The following EPC1 variants were observed in gnomAD, a reference collection of about 807,000 sequenced individuals.
EPC1 encodes the protein enhancer of polycomb 1.
In EPC1, 12 loss-of-function variants were observed where a neutral mutation model predicts 98.4. The ratio of observed to expected loss-of-function variants is 0.12; its 90% confidence interval spans 0.08 to 0.20. EPC1 has a LOEUF of 0.20. Among genes scored for constraint, EPC1 ranks in the 10% least tolerant of loss-of-function variants. EPC1 has a pLI of 1.00. For synonymous variants in EPC1, 357 were observed against 363.9 expected, an observed-to-expected ratio of 0.98 and a Z score of 0.21; for missense variants, 729 against 990.5, an observed-to-expected ratio of 0.74 and a Z score of 3.54.
intron 2 of EPC1, among the ~76,000 whole-genome samples, chr10:32,302,013 C>T (rs984763077): frequency 1.3e-5 from 2 of 152,144 alleles, no homozygotes; most frequent in Non-Finnish European, 2.9e-5. Flanking sequence ...GTGGCTCACG[C>T]CTGTAATCCC....
At chr10:32,339,765 A>G (rs1838217017) in intron 1 of EPC1, among the ~76,000 whole-genome samples, 1 of 152,200 alleles carries the variant, frequency 6.6e-6, no homozygotes, top group Non-Finnish European at 1.5e-5. Flanking sequence ...ATGATTTTTC[A>G]TACACTGCCT....
chr10:32,308,738 G>A (rs999717714), intron 1 of EPC1, among the ~76,000 whole-genome samples: 2 of 152,010 alleles, frequency 1.3e-5, no homozygotes, highest in African/African-American at 2.4e-5. Context: ...CTCAAAAATC[G>A]AAACAAATAA....
Position 32,269,123 on chromosome 10 carries a change from T to G in EPC1, c.2382A>C (p.Glu794Asp), listed in dbSNP as rs781507880. ...SVDSVPRENH[E>D]SEKPALNNIA... Reference sequence around the variant, plus strand: ...TGTTGTTCAGTGCTGGCTTTTCTGATTCATGATTTTCCCTGTTGAAATAAA... The same window carrying G: ...TGTTGTTCAGTGCTGGCTTTTCTGAGTCATGATTTTCCCTGTTGAAATAAA... Residue 794 changes from glutamate (E) to aspartate (D), a missense_variant, in exon 14 of 14, where the codon GAA becomes GAC. This residue lies in a region of EPC1 where 156 missense variants were observed against 188.9 expected (regional missense o/e 0.83). Coordinates refer to ENST00000319778, the MANE Select transcript of EPC1 (RefSeq NM_001272004.3). 1 of 1,613,806 alleles carries G rather than the reference T, an allele frequency of 6.2e-7. No homozygotes were observed. The highest frequency in any genetic ancestry group is 1.7e-5 in the Admixed American group (1 of 59,992).
intron 10 of EPC1, chr10:32,282,936 T>C (rs1836486163): frequency 6.6e-6 from 1 of 152,212 alleles, no homozygotes; most frequent in African/African-American, 2.4e-5. Flanking sequence ...TAAGTCTTTA[T>C]TGAAAAGTTC....
At chr10:32,356,697 A>G (rs558301423) in intron 1 of EPC1, among the ~76,000 whole-genome samples, 1 of 152,146 alleles carries the variant, frequency 6.6e-6, no homozygotes, top group Non-Finnish European at 1.5e-5. Context: ...TTGATTAAAC[A>G]TTTACCGCCA....
chr10:32,363,341 A>G (rs1839498423), intron 1 of EPC1, among the ~76,000 whole-genome samples: 1 of 152,212 alleles, frequency 6.6e-6, no homozygotes, highest in Admixed American at 6.5e-5. Context: ...TTGGCCTCCC[A>G]AAGTACTGGG....
chr10:32,345,997 G>A (rs1317846146), intron 1 of EPC1, among the ~76,000 whole-genome samples: 2 of 152,214 alleles, frequency 1.3e-5, no homozygotes, highest in Admixed American at 6.5e-5. Context: ...AAGGATCACA[G>A]AAAAAGTCAG....
chr10:32,269,033 T>G lies in EPC1; in HGVS notation c.*30A>C. On this transcript the variant is annotated 3_prime_UTR_variant, in exon 14 of 14. Coordinates refer to ENST00000319778, the MANE Select transcript of EPC1 (RefSeq NM_001272004.3). ...TACTGATGCATAGCACCTAATCAAGTCCCCAGGCTGCAGTTCCACTCGGAG... is the reference window on the plus strand; with the variant it reads ...TACTGATGCATAGCACCTAATCAAGGCCCCAGGCTGCAGTTCCACTCGGAG... 2 of 1,598,832 alleles carry G rather than the reference T, an allele frequency of 1.3e-6. No homozygotes were observed. Among genetic ancestry groups the G allele is most frequent in the Middle Eastern group, 3.3e-4 (2 of 6,028 alleles).
In EPC1 at chr10:32,273,157, C is replaced by G. The variant is rs1835919664; in HGVS notation, c.1863+6G>C. ...GGGATAATCATAAGACAGACAAATC[C>G]CTCACCTGTGATGTGTTGGTGGAGG... is the stretch of plus-strand genomic sequence containing the variant. On this transcript the variant is annotated splice_donor_region_variant and intron_variant, in intron 11 of 13. Transcript: ENST00000319778. 6.2e-7 allele frequency: 1 copy of G among 1,613,924 alleles called. No homozygotes were observed. Among genetic ancestry groups the G allele is most frequent in the South Asian group, 1.1e-5 (1 of 91,072 alleles).
At chr10:32,282,217 T>C (rs1187515453) in intron 10 of EPC1, 1 of 151,912 alleles carries the variant, frequency 6.6e-6, no homozygotes, top group African/African-American at 2.4e-5. Flanking sequence ...GGAAAAAAAA[T>C]AGATAAACTC....
intron 6 of EPC1, among the ~76,000 whole-genome samples, chr10:32,289,808 T>C (rs34288680): frequency 0.085 from 12,867 of 151,888 alleles, 599 homozygotes; most frequent in Admixed American, 0.12. Flanking sequence ...GTATTTTTAG[T>C]AGAAACAGGG....
intron 10 of EPC1, among the ~76,000 whole-genome samples, chr10:32,279,296 C>T (rs1209371772): frequency 6.6e-6 from 1 of 150,458 alleles, no homozygotes; most frequent in South Asian, 2.1e-4. Context: ...TGCAGTGAGC[C>T]AAGATCGTGC....
rs1839141077 is a variant in EPC1, at chr10:32,352,390, C to T, written c.3+26101G>A. On this transcript the variant is annotated intron_variant, in intron 1 of 13. Coordinates refer to the EPC1 transcript ENST00000375110. ...TCAGTCTGTCCTCCCTGTCCTGCCT[C>T]AGACTGTCTACCGAAATCCTATTTC... Among the ~76,000 whole-genome samples the T allele has an allele frequency of 2.6e-5, 4 of 152,208 alleles. No homozygotes were observed. The South Asian group carries it at 6.2e-4, about 24-fold the overall frequency.
intron 11 of EPC1, among the ~76,000 whole-genome samples, chr10:32,272,732 C>T (rs752332700): frequency 6.6e-6 from 1 of 152,188 alleles, no homozygotes; most frequent in Non-Finnish European, 1.5e-5. Context: ...ACTCAAACCT[C>T]AGCCTTTATG....
At chr10:32,358,777 T>A (rs906965014) in intron 1 of EPC1, among the ~76,000 whole-genome samples, 1 of 152,158 alleles carries the variant, frequency 6.6e-6, no homozygotes, top group Non-Finnish European at 1.5e-5. Context: ...TCATCATCTG[T>A]CTGAGTAGAT....
chr10:32,358,582 C>G lies in EPC1; in HGVS notation c.3+19909G>C, dbSNP rs1839349213. On this transcript the variant is annotated intron_variant, in intron 1 of 13. Coordinates refer to the EPC1 transcript ENST00000375110. ...ATCACTTGAGCCTAGGAGGTTGAGGCTGTAGTGGACTGTGATCGCGTCACT... is the reference window on the plus strand; with the variant it reads ...ATCACTTGAGCCTAGGAGGTTGAGGGTGTAGTGGACTGTGATCGCGTCACT... Among the ~76,000 whole-genome samples, 3 of 131,372 alleles carry G rather than the reference C, an allele frequency of 2.3e-5. No homozygotes were observed. In the Admixed American group the frequency reaches 2.7e-4, roughly 12 times the overall value. 86.2% of individuals were successfully genotyped at this position (131,372 alleles called of 152,430 possible).
intron 1 of EPC1, 158 bp downstream of exon 1, chr10:32,346,605 A>T: frequency 1.4e-6 from 1 of 724,232 alleles, no homozygotes; most frequent in Non-Finnish European, 2.2e-6. Context: ...CCGGGGGTCG[A>T]GGCTGGGGGA....
intron 13 of EPC1, among the ~76,000 whole-genome samples, chr10:32,270,583 G>T (rs1835790248): frequency 6.6e-6 from 1 of 152,088 alleles, no homozygotes; most frequent in African/African-American, 2.4e-5. Flanking sequence ...CCAGCACTTT[G>T]GGAGGCCAAG....
intron 1 of EPC1, among the ~76,000 whole-genome samples, chr10:32,368,393 A>G (rs750874048): frequency 3.9e-5 from 6 of 152,162 alleles, no homozygotes; most frequent in Non-Finnish European, 8.8e-5. Context: ...TCCCACAGCC[A>G]CGTGTGTTCT....
Sources: allele counts gnomAD v4.1 joint callset (sites outside exome capture counted in the v4.1 genomes callset), GRCh38; gene constraint gnomAD v4.1.1; regional missense constraint gnomAD v4.1.1; transcripts MANE v1.5; gene names NCBI Gene and HGNC (gene_info 2026-07-23, HGNC 2026-07-21).